Variants in CHSY1 observed in about 807,000 individuals in gnomAD.
CHSY1 encodes N-acetylgalactosaminyl-proteoglycan 3-beta-glucuronosyltransferase 1.
Under a neutral mutation model 59.8 loss-of-function variants are expected in CHSY1, and 13 were observed. The ratio of observed to expected loss-of-function variants is 0.22; its 90% CI spans 0.14 to 0.35. CHSY1 has a LOEUF of 0.35. CHSY1 is among the 10% of genes least tolerant of loss of function. The probability of loss-of-function intolerance (pLI) is 1.00; values close to 1 mark genes in which losing one functional copy is unlikely to be tolerated. For missense variants in CHSY1, 947 were observed against 1,030.6 expected (o/e 0.92, Z 1.11); for synonymous variants, 459 against 401.2 (o/e 1.14, Z -1.72).
chr15:101,194,776 T>C (rs577159239), intron 2 of CHSY1, among the ~76,000 whole-genome samples: 3 of 152,290 alleles, frequency 2.0e-5, no homozygotes, highest in Non-Finnish European at 4.4e-5. Context: ...TGACTTTTTG[T>C]ATGCATGGGT....
At chr15:101,241,625 ATAGT>A (rs1052169302) in intron 1 of CHSY1, among the ~76,000 whole-genome samples, 1 of 152,212 alleles carries the variant, frequency 6.6e-6, no homozygotes, top group Non-Finnish European at 1.5e-5. Context: ...TTAAGCTTTA[ATAGT>A]TATTCTACTA....
rs1310265330 is a variant in CHSY1 at position 101,178,921 on chromosome 15, G to A, written c.876C>T (p.Leu292=). The change falls in exon 3 of 3, where the codon CTC becomes CTT. Residue 292 remains leucine, a synonymous_variant. Transcript: ENST00000254190. ...EQNKKGYIRD[L]HNSKIHQAIT... Reference sequence around the variant, plus strand: ...TAGCTTGGTGAATTTTACTGTTATGGAGATCTCTAATGTACCCCTTTTTGT... The same window carrying A: ...TAGCTTGGTGAATTTTACTGTTATGAAGATCTCTAATGTACCCCTTTTTGT... The A allele has an allele frequency of 1.2e-6, 2 of 1,613,860 alleles. No individual in the cohort carries two copies. The highest frequency in any genetic ancestry group is 1.3e-5 in the African/African-American group (1 of 74,858).
intron 2 of CHSY1, chr15:101,189,623 G>A (rs774608338): frequency 4.5e-6 from 1 of 222,366 alleles, no homozygotes. Flanking sequence ...AGAGAAAAAA[G>A]AAATACAAGC....
At chr15:101,232,467 T>C (rs562132206) in intron 2 of CHSY1, among the ~76,000 whole-genome samples, 1 of 152,330 alleles carries the variant, frequency 6.6e-6, no homozygotes, top group Admixed American at 6.5e-5. Flanking sequence ...ATGGCAAGTG[T>C]TCCAATAGAT....
Position 101,246,850 on chromosome 15 carries a change from A to G in CHSY1, c.320+4287T>C, listed in dbSNP as rs564533773. ...AACTACATGAACATTTCCCTTCCATATATCACAGAACATAACTAAAAAGAA... is the reference window on the plus strand; with the variant it reads ...AACTACATGAACATTTCCCTTCCATGTATCACAGAACATAACTAAAAAGAA... On this transcript the variant is annotated intron_variant, in intron 1 of 2. Coordinates refer to ENST00000254190, the MANE Select transcript of CHSY1 (RefSeq NM_014918.5). Among the ~76,000 whole-genome samples the G allele has an allele frequency of 3.3e-5, 5 of 150,432 alleles. No individual in the cohort carries two copies. The South Asian group carries it at 8.3e-4, about 25-fold the overall frequency.
At chr15:101,194,313 C>T (rs903114194) in intron 2 of CHSY1, among the ~76,000 whole-genome samples, 4 of 152,350 alleles carry the variant, frequency 2.6e-5, no homozygotes, top group East Asian at 1.9e-4. Context: ...AATGTCTCTA[C>T]TCCTCTGCTT....
intron 2 of CHSY1, among the ~76,000 whole-genome samples, chr15:101,188,772 C>T (rs1162715185): frequency 1.3e-5 from 2 of 152,120 alleles, no homozygotes; most frequent in African/African-American, 2.4e-5. Context: ...ATAAGTAAAG[C>T]GATAAAACTG....
At position 101,175,879 on chromosome 15, in the gene CHSY1, C is replaced by T. The variant is rs1311633009; in HGVS notation, c.*1509G>A. 1 of 169,904 alleles carries T rather than the reference C, an allele frequency of 5.9e-6. No homozygotes were observed. The highest frequency in any genetic ancestry group is 1.2e-5 in the Non-Finnish European group (1 of 80,242). 10.5% of individuals were successfully genotyped at this position (169,904 alleles called of 1,614,324 possible). On this transcript the variant is annotated 3_prime_UTR_variant, in exon 3 of 3. Transcript: ENST00000254190. ...ATCAGGCTATTTACAAATACGCAGCCCTCCAATGACGTGTATTAAAATGGC... is the reference window on the plus strand; with the variant it reads ...ATCAGGCTATTTACAAATACGCAGCTCTCCAATGACGTGTATTAAAATGGC...
chr15:101,212,800 G>A (rs1278129376), intron 2 of CHSY1, among the ~76,000 whole-genome samples: 1 of 152,078 alleles, frequency 6.6e-6, no homozygotes, highest in African/African-American at 2.4e-5. Flanking sequence ...GCAACTCTAG[G>A]TAATAATAAA....
chr15:101,236,628 T>C (rs1300348014), intron 1 of CHSY1, among the ~76,000 whole-genome samples: 3 of 152,106 alleles, frequency 2.0e-5, no homozygotes, highest in East Asian at 3.9e-4. Context: ...GAGACCATCC[T>C]GTCTAACACG....
chr15:101,179,345 T>C (rs1006527261), intron 2 of CHSY1, among the ~76,000 whole-genome samples: 1 of 152,218 alleles, frequency 6.6e-6, no homozygotes, highest in Non-Finnish European at 1.5e-5. Context: ...CACAGAGTCA[T>C]GCGTCCCTGG....
At chr15:101,193,130 T>A (rs938358747) in intron 2 of CHSY1, among the ~76,000 whole-genome samples, 1 of 152,226 alleles carries the variant, frequency 6.6e-6, no homozygotes, top group Admixed American at 6.5e-5. Context: ...CCGCAGCCAC[T>A]GCACACAGCA....
chr15:101,176,472 G>C lies in CHSY1; in HGVS notation c.*916C>G, dbSNP rs2038190084. 1 of 398,290 alleles carries C rather than the reference G, an allele frequency of 2.5e-6. No individual in the cohort carries two copies. The highest frequency in any genetic ancestry group is 4.4e-6 in the Non-Finnish European group (1 of 226,000). The allele number at this position is 398,290 out of a possible 1,614,324, so 24.7% of individuals were successfully genotyped here. On this transcript the variant is annotated 3_prime_UTR_variant, in exon 3 of 3. Coordinates refer to ENST00000254190, the MANE Select transcript of CHSY1 (RefSeq NM_014918.5). ...ACCCTTTAAAGAGAAGGGTCAAGAA[G>C]AGAAAATGCCAAATCCTTCTTGAAA...
chr15:101,232,812 GAA>G (rs1186010554), intron 2 of CHSY1, among the ~76,000 whole-genome samples: 2 of 152,192 alleles, frequency 1.3e-5, no homozygotes, highest in Non-Finnish European at 2.9e-5. Flanking sequence ...TCACAGAAGA[GAA>G]AAAGAGAGCT....
chr15:101,190,102 C>A lies in CHSY1; in HGVS notation c.817-11122G>T, dbSNP rs1269646565. ...GACCCCTGTGAGGCTGAAGACTCCA[C>A]GTCTGCCATCTCCAGTTCATATGAA... On this transcript the variant is annotated intron_variant, in intron 2 of 2. Coordinates refer to ENST00000254190, the MANE Select transcript of CHSY1 (RefSeq NM_014918.5). Among the ~76,000 whole-genome samples, 3 of 152,210 alleles carry A rather than the reference C, an allele frequency of 2.0e-5. No homozygotes were observed. The South Asian group carries it at 6.2e-4, about 32-fold the overall frequency.
At chr15:101,185,008 A>G (rs1220251341) in intron 2 of CHSY1, among the ~76,000 whole-genome samples, 1 of 152,204 alleles carries the variant, frequency 6.6e-6, no homozygotes, top group African/African-American at 2.4e-5. Context: ...AGGTGAGCAG[A>G]CACTCTGTCG....
At chr15:101,191,728 G>A (rs1299715032) in intron 2 of CHSY1, among the ~76,000 whole-genome samples, 1 of 152,014 alleles carries the variant, frequency 6.6e-6, no homozygotes, top group Non-Finnish European at 1.5e-5. Flanking sequence ...TGAACCTAAA[G>A]CTCCTCCAAA....
chr15:101,200,920 A>T (rs990914940), intron 2 of CHSY1, among the ~76,000 whole-genome samples: 19 of 152,110 alleles, frequency 1.2e-4, no homozygotes, highest in Middle Eastern at 3.2e-3. Context: ...GCCAGGCCAC[A>T]GTTCTGTGGA....
intron 2 of CHSY1, among the ~76,000 whole-genome samples, chr15:101,185,443 C>G (rs886854451): frequency 4.0e-5 from 6 of 151,406 alleles, no homozygotes; most frequent in African/African-American, 1.2e-4. Flanking sequence ...ATCCTCCTTC[C>G]CTGTGAACAC....
Sources: gnomAD v4.1 joint callset for allele counts (sites outside exome capture counted in the v4.1 genomes callset) on GRCh38, gnomAD v4.1.1 for gene constraint, MANE v1.5 for transcripts, NCBI Gene and HGNC (gene_info 2026-07-23, HGNC 2026-07-21) for gene names.